PKP4: variants seen among roughly 807,000 people sequenced by gnomAD.
PKP4 encodes the protein plakophilin 4.
A neutral mutation model predicts 145.1 loss-of-function variants in PKP4; 90 were observed. The ratio of observed to expected loss-of-function variants is 0.62; its 90% CI spans 0.52 to 0.74. The LOEUF is 0.74. PKP4 is among the 30% of genes least tolerant of loss of function. PKP4 has a pLI of 0.00. For missense variants in PKP4, 1,340 were observed against 1,482.7 expected (o/e 0.90, Z 1.58); for synonymous variants, 563 against 577.2 (o/e 0.98, Z 0.35).
At chr2:158,591,587 G>A (rs757964704) in intron 3 of PKP4, among the ~76,000 whole-genome samples, 10 of 151,924 alleles carry the variant, frequency 6.6e-5, no homozygotes, top group South Asian at 2.1e-4. Context: ...TTTTTAAAAT[G>A]TTAGGTGATT....
At chr2:158,566,829 A>C (rs560532705) in intron 2 of PKP4, among the ~76,000 whole-genome samples, 1 of 151,322 alleles carries the variant, frequency 6.6e-6, no homozygotes, top group African/African-American at 2.4e-5. Flanking sequence ...TATATCTGCA[A>C]ACACACACAC....
intron 2 of PKP4, among the ~76,000 whole-genome samples, chr2:158,559,714 T>C (rs2046363808): frequency 6.6e-6 from 1 of 152,152 alleles, no homozygotes; most frequent in African/African-American, 2.4e-5. Flanking sequence ...AGGGCAGAGT[T>C]TTTTTTGTTT....
At chr2:158,653,970 G>A (rs537796378) in intron 11 of PKP4, among the ~76,000 whole-genome samples, 1 of 152,312 alleles carries the variant, frequency 6.6e-6, no homozygotes, top group Admixed American at 6.5e-5. Flanking sequence ...AGCACACACA[G>A]GTGTTATTAG....
chr2:158,664,454 A>G (rs535818388), intron 15 of PKP4, among the ~76,000 whole-genome samples: 2 of 152,308 alleles, frequency 1.3e-5, no homozygotes, highest in South Asian at 4.1e-4. Context: ...GACATTTTCA[A>G]CCTCTAGTAA....
chr2:158,614,641 A>G (rs1405118537), intron 4 of PKP4, among the ~76,000 whole-genome samples: 1 of 152,228 alleles, frequency 6.6e-6, no homozygotes, highest in Non-Finnish European at 1.5e-5. Flanking sequence ...CCTAGCAAAC[A>G]TAACATCTAA....
chr2:158,473,266 T>C (rs1282632785), intron 1 of PKP4, among the ~76,000 whole-genome samples: 1 of 152,168 alleles, frequency 6.6e-6, no homozygotes, highest in Non-Finnish European at 1.5e-5. Context: ...CTCAAAGAGC[T>C]GAAAGCAGAA....
intron 1 of PKP4, among the ~76,000 whole-genome samples, chr2:158,498,617 T>C (rs554776779): frequency 4.5e-4 from 68 of 152,338 alleles, no homozygotes; most frequent in Non-Finnish European, 7.8e-4. Context: ...GTTGGCCTTA[T>C]AGCCATCTTC....
chr2:158,554,231 C>T (rs2045879115), intron 2 of PKP4, among the ~76,000 whole-genome samples: 1 of 152,036 alleles, frequency 6.6e-6, no homozygotes, highest in African/African-American at 2.4e-5. Context: ...CAGCTCATGG[C>T]CACCTTCTCC....
intron 1 of PKP4, among the ~76,000 whole-genome samples, chr2:158,500,285 T>C (rs777264308): frequency 2.0e-5 from 3 of 152,212 alleles, no homozygotes; most frequent in African/African-American, 7.2e-5. Flanking sequence ...GCAGTCACCC[T>C]GATAACTGCC....
chr2:158,652,306 A>G (rs1312768461), intron 11 of PKP4, among the ~76,000 whole-genome samples: 2 of 152,192 alleles, frequency 1.3e-5, no homozygotes, highest in Non-Finnish European at 2.9e-5. Context: ...GCACAGGTCT[A>G]TACTGCATTT....
At chr2:158,483,046 T>TA (rs1446126307) in intron 1 of PKP4, among the ~76,000 whole-genome samples, 1 of 152,010 alleles carries the variant, frequency 6.6e-6, no homozygotes, top group Non-Finnish European at 1.5e-5. Context: ...ACCTCAAGAG[T>TA]AGTCATTGGT....
chr2:158,668,573 T>C (rs2057313694), intron 16 of PKP4, among the ~76,000 whole-genome samples: 1 of 152,262 alleles, frequency 6.6e-6, no homozygotes, highest in Non-Finnish European at 1.5e-5. Context: ...TTTAAAGTTA[T>C]GCCTTAGCAA....
chr2:158,562,027 G>C (rs956284851), intron 2 of PKP4, among the ~76,000 whole-genome samples: 8 of 140,876 alleles, frequency 5.7e-5, no homozygotes, highest in African/African-American at 1.8e-4. Flanking sequence ...AGAAGAAAAA[G>C]TCATAGAACT....
At chr2:158,628,044 G>A (rs564722599) in intron 7 of PKP4, among the ~76,000 whole-genome samples, 4 of 151,546 alleles carry the variant, frequency 2.6e-5, no homozygotes, top group East Asian at 3.9e-4. Flanking sequence ...ACAGTGGCAC[G>A]CTCTCGGCTC....
intron 11 of PKP4, among the ~76,000 whole-genome samples, chr2:158,649,624 A>T (rs1185401185): frequency 6.6e-6 from 1 of 152,214 alleles, no homozygotes; most frequent in African/African-American, 2.4e-5. Flanking sequence ...TCTAAGTGGA[A>T]TATGACCCTG....
Position 158,679,319 on chromosome 2 carries a change from TA to T in PKP4, c.3330+669del, listed in dbSNP as rs762515476. The T allele has an allele frequency of 5.2e-5, 8 of 152,690 alleles. No individual in the cohort carries two copies. The East Asian group carries it at 5.8e-4, about 11-fold the overall frequency. The allele number at this position is 152,690 out of a possible 1,614,324, so 9.5% of individuals were successfully genotyped here. On this transcript the variant is annotated intron_variant, in intron 21 of 21. Transcript: ENST00000389759. Reference sequence around the variant, plus strand: ...ATGACACAGAGCAGCTGGAGTTTCCTAAAACAAGACTGTATCCTGTCCTTCA... The same window carrying T: ...ATGACACAGAGCAGCTGGAGTTTCCTAAACAAGACTGTATCCTGTCCTTCA...
intron 3 of PKP4, among the ~76,000 whole-genome samples, chr2:158,601,667 A>C (rs555427297): frequency 2.6e-5 from 4 of 151,994 alleles, no homozygotes; most frequent in African/African-American, 9.7e-5. Context: ...TAACTGATTG[A>C]CTCCACTTGC....
chr2:158,642,069 T>G (rs1558938507), intron 10 of PKP4, among the ~76,000 whole-genome samples: 1 of 152,244 alleles, frequency 6.6e-6, no homozygotes, highest in Non-Finnish European at 1.5e-5. Context: ...TTGCCCAGGC[T>G]GGAGTGCAGT....
rs2046103324 is a variant in PKP4 at position 158,556,515 on chromosome 2, CTT to C, written c.133-20754_133-20753del. The stretch of plus-strand genomic sequence containing the variant: ...GATAGATAAATGAAGCATTGTGGCT[CTT>C]TCTCTCTTTTTTTTTTTTTTTAACT... On this transcript the variant is annotated intron_variant, in intron 2 of 21. Coordinates refer to ENST00000389759, the MANE Select transcript of PKP4 (RefSeq NM_003628.6). Among the ~76,000 whole-genome samples the C allele has an allele frequency of 1.2e-4, 13 of 104,882 alleles. No homozygotes were observed. In the Admixed American group the frequency reaches 1.6e-3, roughly 13 times the overall value. The allele number at this position is 104,882 out of a possible 152,430, so 68.8% of individuals were successfully genotyped here. A position where few individuals can be genotyped will look rare whatever the true frequency, so the allele number is the denominator to read the frequency against.
Sources: allele counts gnomAD v4.1 joint callset (sites outside exome capture counted in the v4.1 genomes callset), GRCh38; gene constraint gnomAD v4.1.1; transcripts MANE v1.5; gene names NCBI Gene and HGNC (gene_info 2026-07-23, HGNC 2026-07-21).